The following SEZ6 variants were observed in gnomAD, a reference collection of about 807,000 sequenced individuals.
SEZ6 encodes seizure protein 6 homolog.
Under a neutral mutation model 101.0 loss-of-function variants are expected in SEZ6, and 53 were observed. The ratio of observed to expected loss-of-function variants is 0.52; its 90% CI spans 0.42 to 0.66. The LOEUF (loss-of-function observed/expected upper bound fraction) is 0.66, where lower values mean the gene tolerates loss of function less well. Among genes scored for constraint, SEZ6 ranks in the 30% least tolerant of loss-of-function variants. The pLI, the probability that SEZ6 is intolerant of heterozygous loss-of-function variation, is 0.00. For synonymous variants in SEZ6, 488 were observed against 512.2 expected (o/e 0.95, Z 0.64); for missense variants, 1,102 against 1,289.4 (o/e 0.85, Z 2.23).
At chr17:28,971,550 G>A (rs183283717) in intron 3 of SEZ6, among the ~76,000 whole-genome samples, 40 of 151,860 alleles carry the variant, frequency 2.6e-4, no homozygotes, top group Admixed American at 2.1e-3. Flanking sequence ...CCGAGATCGC[G>A]CCATTGCACT....
chr17:28,960,080 G>C (rs947556256), intron 7 of SEZ6, among the ~76,000 whole-genome samples, 188 bp from the exon 8 acceptor site: 3 of 152,188 alleles, frequency 2.0e-5, no homozygotes, highest in African/African-American at 7.2e-5. Flanking sequence ...ATTATGCTCA[G>C]GAGGCCATCT....
At position 28,956,153 on chromosome 17, in the gene SEZ6, A is replaced by G; in HGVS notation, c.2952+6T>C. 1 of 1,551,140 alleles carries G rather than the reference A, an allele frequency of 6.4e-7. No individual in the cohort carries two copies. Among genetic ancestry groups the G allele is most frequent in the Non-Finnish European group, 8.7e-7 (1 of 1,145,042 alleles). On this transcript the variant is annotated splice_donor_region_variant and intron_variant, in intron 16 of 16. Coordinates refer to ENST00000317338, the MANE Select transcript of SEZ6 (RefSeq NM_178860.5). ...ATAGGGTGGCAAGGCTGGCATGGTT[A>G]CTTACTCCAGTCTCGTAAGTTGGAT...
chr17:28,956,693 C>G (rs1598175564), intron 14 of SEZ6, 26 bp downstream of exon 14: 2 of 1,556,366 alleles, frequency 1.3e-6, no homozygotes, highest in Non-Finnish European at 1.7e-6. Context: ...GAGACCACTT[C>G]TCTGGCCTCA....
At chr17:28,957,686 T>TC in intron 11 of SEZ6, 147 bp from the exon 12 acceptor site, 1 of 951,872 alleles carries the variant, frequency 1.1e-6, no homozygotes. Flanking sequence ...TGCTAGTGTG[T>TC]CCCCCCATTT....
intron 3 of SEZ6, among the ~76,000 whole-genome samples, chr17:28,978,725 T>C (rs1163365516): frequency 2.0e-5 from 3 of 151,988 alleles, no homozygotes; most frequent in South Asian, 4.2e-4. Flanking sequence ...GGGGGCAGGA[T>C]TGATTTGAGA....
In SEZ6 at chr17:28,958,103, T is replaced by G; in HGVS notation, c.2146A>C (p.Ile716Leu). Residue 716 changes from isoleucine to leucine, a missense_variant, in exon 11 of 17, where the codon ATC (isoleucine) becomes CTC (leucine). Physicochemically the swap from Ile to Leu is conservative, Grantham distance 5. Transcript: ENST00000317338. Reference protein sequence around the residue: ...RNDTCPELPEIPNGWKSPSQP... With the variant: ...RNDTCPELPELPNGWKSPSQP... The stretch of plus-strand genomic sequence containing the variant: ...GATGGGCTCTTCCAGCCATTGGGGA[T>G]CTCAGGCAGCTCCGGACATGTGTCA... The G allele has an allele frequency of 6.2e-7, 1 of 1,606,248 alleles. No individual in the cohort carries two copies. The highest frequency in any genetic ancestry group is 2.2e-5 in the East Asian group (1 of 44,606).
Position 28,964,005 on chromosome 17 carries a change from A to T in SEZ6, c.1197T>A (p.Asn399Lys). Residue 399 changes from asparagine to lysine, a missense_variant, in exon 5 of 17, where the codon AAT becomes AAA. Asn to Lys is a moderately conservative substitution (Grantham distance 94). Around this residue, in one of 3 missense-constraint regions of SEZ6, gnomAD observed 556 missense variants for 735.1 expected, o/e 0.76. Transcript: ENST00000317338. Reference protein sequence around the residue: ...LKGARHLTCLNATQPFWDSKE... With the variant: ...LKGARHLTCLKATQPFWDSKE... ...TTGAATCCCAGAAGGGCTGGGTGGCATTGAGACAGGTGAGATGCCTGGCGC... is the reference window on the plus strand; with the variant it reads ...TTGAATCCCAGAAGGGCTGGGTGGCTTTGAGACAGGTGAGATGCCTGGCGC... 6.2e-7 allele frequency: 1 copy of T among 1,612,662 alleles called. No individual in the cohort carries two copies. The highest frequency in any genetic ancestry group is 1.1e-5 in the South Asian group (1 of 90,574).
chr17:28,977,086 A>T (rs2152688114), intron 3 of SEZ6, among the ~76,000 whole-genome samples: 2 of 149,732 alleles, frequency 1.3e-5, no homozygotes, highest in Middle Eastern at 3.4e-3. Context: ...CACTCAACAA[A>T]ACTAATTAGT....
intron 1 of SEZ6, among the ~76,000 whole-genome samples, chr17:28,983,787 CAG>C (rs1157533339): frequency 2.6e-5 from 4 of 152,020 alleles, no homozygotes; most frequent in Admixed American, 6.6e-5. Flanking sequence ...GGTGAGATCA[CAG>C]AGTTTGCAAG....
chr17:28,958,283 G>C (rs1037184378), intron 10 of SEZ6, 142 bp from the exon 11 acceptor site: 41 of 891,464 alleles, frequency 4.6e-5, no homozygotes, highest in Non-Finnish European at 6.7e-5. Flanking sequence ...ATTCCTCCCT[G>C]CTCAAGGGCC....
At chr17:28,982,974 A>G (rs1369215760) in intron 1 of SEZ6, among the ~76,000 whole-genome samples, 1 of 148,418 alleles carries the variant, frequency 6.7e-6, no homozygotes, top group East Asian at 1.9e-4. Flanking sequence ...CCATGGGTGC[A>G]TGACTTCTTT....
chr17:28,985,185 G>A (rs1482884066), intron 1 of SEZ6, among the ~76,000 whole-genome samples: 1 of 152,238 alleles, frequency 6.6e-6, no homozygotes, highest in Non-Finnish European at 1.5e-5. Context: ...GAGCTACACA[G>A]CAGACAACAC....
intron 1 of SEZ6, among the ~76,000 whole-genome samples, chr17:28,987,041 G>A (rs1022457562): frequency 2.0e-5 from 3 of 152,182 alleles, no homozygotes; most frequent in Non-Finnish European, 1.5e-5. Context: ...TGTCAGCTTC[G>A]GGGGAGGGCA....
intron 3 of SEZ6, among the ~76,000 whole-genome samples, chr17:28,976,505 C>T (rs2041223088): frequency 6.6e-6 from 1 of 152,128 alleles, no homozygotes; most frequent in Non-Finnish European, 1.5e-5. Flanking sequence ...CCAGTGAATT[C>T]ATAGAGGGGC....
Position 29,005,782 on chromosome 17 carries a change from C to T in SEZ6, c.55+33G>A. On this transcript the variant is annotated intron_variant, in intron 1 of 16. Coordinates refer to ENST00000317338, the MANE Select transcript of SEZ6 (RefSeq NM_178860.5). This position sits in a 1 kb window ranked among gnomAD's most constrained non-coding sequence, Gnocchi z 4.8. ...CCACCCCTGGGGCCCCGCTCCCGCC[C>T]CCGTCCTGCCGCCGGATGCCGGGGT... 1 of 1,477,954 alleles carries T rather than the reference C, an allele frequency of 6.8e-7. No homozygotes were observed. The highest frequency in any genetic ancestry group is 1.2e-5 in the South Asian group (1 of 80,296). The allele number at this position is 1,477,954 out of a possible 1,614,324, so 91.6% of individuals were successfully genotyped here.
At chr17:28,958,273 A>T in intron 10 of SEZ6, 132 bp from the exon 11 acceptor site, 1 of 1,018,596 alleles carries the variant, frequency 9.8e-7, no homozygotes, top group Non-Finnish European at 1.4e-6. Flanking sequence ...TCAGGGATCC[A>T]TTCCTCCCTG....
intron 2 of SEZ6, 103 bp downstream of exon 2, chr17:28,981,268 C>T (rs2041296841): frequency 6.9e-6 from 10 of 1,448,660 alleles, no homozygotes; most frequent in Non-Finnish European, 9.1e-6. Flanking sequence ...CCCTTGGTGC[C>T]AAAGGGCAGG....
intron 2 of SEZ6, among the ~76,000 whole-genome samples, chr17:28,980,515 A>AC (rs1463116148): frequency 6.6e-5 from 10 of 150,834 alleles, no homozygotes; most frequent in Admixed American, 6.6e-4. Flanking sequence ...GACTACGGGC[A>AC]CCCCCCACTA....
chr17:28,979,085 G>A (rs1351300770), intron 3 of SEZ6, among the ~76,000 whole-genome samples: 1 of 152,144 alleles, frequency 6.6e-6, no homozygotes, highest in East Asian at 1.9e-4. Flanking sequence ...GGTTTGTGGA[G>A]GTTGAGGAGC....
Sources: allele counts gnomAD v4.1 joint callset (sites outside exome capture counted in the v4.1 genomes callset), GRCh38; gene constraint gnomAD v4.1.1; regional missense constraint gnomAD v4.1.1; non-coding constraint Gnocchi (gnomAD v3.1); transcripts MANE v1.5; gene names NCBI Gene and HGNC (gene_info 2026-07-23, HGNC 2026-07-21).